Variants in UBE2Q2 observed in about 807,000 individuals in gnomAD.
UBE2Q2 encodes the protein ubiquitin conjugating enzyme E2 Q2.
Under a neutral mutation model 59.9 loss-of-function variants are expected in UBE2Q2, and 54 were observed. The observed-to-expected ratio is 0.90, with a 90% CI of 0.72 to 1.13. UBE2Q2 has a LOEUF of 1.13. Ranked by LOEUF, UBE2Q2 falls within the 50% of genes most tolerant of loss-of-function variation. UBE2Q2 has a pLI of 0.00. For synonymous variants in UBE2Q2, 165 were observed against 155.2 expected (o/e 1.06, Z -0.47); for missense variants, 433 against 441.9 (o/e 0.98, Z 0.18).
chr15:75,883,262 A>T (rs962556852), intron 8 of UBE2Q2, 104 bp from the exon 9 acceptor site: 2 of 1,064,354 alleles, frequency 1.9e-6, no homozygotes, highest in Non-Finnish European at 2.7e-6. Context: ...CCATTATCTG[A>T]TAATAAATGT....
intron 4 of UBE2Q2, among the ~76,000 whole-genome samples, chr15:75,871,397 C>T (rs1474007481): frequency 6.6e-6 from 1 of 152,212 alleles, no homozygotes; most frequent in African/African-American, 2.4e-5. Flanking sequence ...TCAGCACAGA[C>T]CCTTTACGGG....
chr15:75,878,600 TAAAAAA>T (rs142315305), intron 7 of UBE2Q2, among the ~76,000 whole-genome samples: 6 of 86,056 alleles, frequency 7.0e-5, no homozygotes, highest in Admixed American at 1.5e-4. Context: ...CCCGGTCTCT[TAAAAAA>T]AAAAAAAAAA....
intron 2 of UBE2Q2, among the ~76,000 whole-genome samples, chr15:75,859,484 G>A (rs928818660): frequency 6.6e-6 from 1 of 152,124 alleles, no homozygotes; most frequent in African/African-American, 2.4e-5. Context: ...CACTGCCTGT[G>A]TGTGTCTGGG....
chr15:75,868,287 A>G (rs1366400318), intron 3 of UBE2Q2, among the ~76,000 whole-genome samples: 3 of 152,230 alleles, frequency 2.0e-5, no homozygotes, highest in Admixed American at 1.3e-4. Flanking sequence ...AACTTTGTCA[A>G]AAATGGATAT....
At chr15:75,868,871 T>G in intron 3 of UBE2Q2, 80 bp from the exon 4 acceptor site, 1 of 1,235,132 alleles carries the variant, frequency 8.1e-7, no homozygotes, top group Admixed American at 1.9e-5. Context: ...GTTTGAGAGT[T>G]TGTGGCACCA....
In UBE2Q2 at chr15:75,899,557, A is replaced by T; in HGVS notation, c.*99A>T. On this transcript the variant is annotated 3_prime_UTR_variant, in exon 13 of 13. Transcript: ENST00000267938. ...GAGTGCCCCTATTACAGCAGTACCG[A>T]AGATGTTAGTTAATAGATATTTTAG... The T allele has an allele frequency of 1.0e-6, 1 of 955,500 alleles. No individual in the cohort carries two copies. Among genetic ancestry groups the T allele is most frequent in the South Asian group, 1.5e-5 (1 of 68,300 alleles). The allele number at this position is 955,500 out of a possible 1,614,324, so 59.2% of individuals were successfully genotyped here.
intron 1 of UBE2Q2, among the ~76,000 whole-genome samples, chr15:75,853,697 A>G (rs192427599): frequency 2.0e-5 from 3 of 152,108 alleles, no homozygotes; most frequent in African/African-American, 4.8e-5. Context: ...ATTTTGTGCA[A>G]TTTACCTTGG....
intron 6 of UBE2Q2, among the ~76,000 whole-genome samples, chr15:75,877,215 A>T (rs990167719): frequency 6.0e-5 from 9 of 150,498 alleles, no homozygotes; most frequent in Non-Finnish European, 1.3e-4. Context: ...TAGCATTATG[A>T]CCGATTCAGG....
At chr15:75,899,261 TGAAAC>T (rs1338308124) in intron 12 of UBE2Q2, among the ~76,000 whole-genome samples, 161 bp from the exon 13 acceptor site, 9 of 150,114 alleles carry the variant, frequency 6.0e-5, no homozygotes. Flanking sequence ...GGTAACAGAG[TGAAAC>T]TCTGTCTCAA....
intron 1 of UBE2Q2, among the ~76,000 whole-genome samples, chr15:75,847,066 CT>C (rs1383570089): frequency 4.6e-5 from 7 of 152,052 alleles, no homozygotes; most frequent in Non-Finnish European, 1.5e-5. Context: ...ACTATTTTTG[CT>C]TTGGTCATGT....
intron 4 of UBE2Q2, among the ~76,000 whole-genome samples, chr15:75,872,127 G>C (rs1897826997): frequency 6.6e-6 from 1 of 152,096 alleles, no homozygotes; most frequent in Non-Finnish European, 1.5e-5. Flanking sequence ...AGGGCTTGAA[G>C]AGATGGCATT....
intron 3 of UBE2Q2, among the ~76,000 whole-genome samples, chr15:75,864,035 T>G (rs1251548270): frequency 6.6e-6 from 1 of 152,182 alleles, no homozygotes; most frequent in African/African-American, 2.4e-5. Flanking sequence ...TTTTCATGAT[T>G]GTGCCCACGA....
At chr15:75,857,923 G>A (rs1038421930) in intron 2 of UBE2Q2, among the ~76,000 whole-genome samples, 1 of 152,078 alleles carries the variant, frequency 6.6e-6, no homozygotes, top group Non-Finnish European at 1.5e-5. Flanking sequence ...TTCCTGGTGG[G>A]TACAGGAAAC....
At chr15:75,859,705 C>A (rs1350952649) in intron 2 of UBE2Q2, among the ~76,000 whole-genome samples, 173 bp from the exon 3 acceptor site, 2 of 152,174 alleles carry the variant, frequency 1.3e-5, no homozygotes, top group Admixed American at 1.3e-4. Context: ...AACTTTCTTA[C>A]ACTAGAGGGT....
chr15:75,850,251 C>T (rs960141816), intron 1 of UBE2Q2, among the ~76,000 whole-genome samples: 9 of 152,188 alleles, frequency 5.9e-5, no homozygotes, highest in Non-Finnish European at 1.3e-4. Flanking sequence ...TATGATTCTA[C>T]CACTCAGAAT....
chr15:75,872,646 C>T (rs1897860098), intron 4 of UBE2Q2, among the ~76,000 whole-genome samples: 1 of 148,994 alleles, frequency 6.7e-6, no homozygotes, highest in Non-Finnish European at 1.5e-5. Context: ...ACATGATCTT[C>T]CTATCTCAGC....
Position 75,863,594 on chromosome 15 carries a change from T to A in UBE2Q2, c.387+3612T>A, listed in dbSNP as rs187063682. On this transcript the variant is annotated intron_variant, in intron 3 of 12. Coordinates refer to ENST00000267938, the MANE Select transcript of UBE2Q2 (RefSeq NM_173469.4). ...CCAAGTAGCTGGGATTACAGGCACA[T>A]GTCACTACGGCCAGCTGATATTTTA... Among the ~76,000 whole-genome samples the A allele has an allele frequency of 2.5e-3, 373 of 151,040 alleles. 3 individuals are homozygous for A. Among genetic ancestry groups the A allele is most frequent in the African/African-American group, 8.7e-3 (357 of 41,146 alleles).
rs1052215791 is a variant in UBE2Q2, at chr15:75,900,261, G to A, written c.*803G>A. On this transcript the variant is annotated 3_prime_UTR_variant, in exon 13 of 13. Coordinates refer to ENST00000267938, the MANE Select transcript of UBE2Q2 (RefSeq NM_173469.4). The stretch of plus-strand genomic sequence containing the variant: ...ATTTTATTAACGGGATGTTGCAATC[G>A]TTTGTAAACTAATAAACTTATAAAG... 6.6e-5 allele frequency: 10 copies of A among 152,188 alleles called. No individual in the cohort carries two copies. The highest frequency in any genetic ancestry group is 2.2e-4 in the African/African-American group (9 of 41,432). 9.4% of individuals were successfully genotyped at this position (152,188 alleles called of 1,614,324 possible).
chr15:75,865,248 G>A (rs1013310049), intron 3 of UBE2Q2, among the ~76,000 whole-genome samples: 2 of 152,236 alleles, frequency 1.3e-5, no homozygotes, highest in Non-Finnish European at 2.9e-5. Context: ...GAACAATACA[G>A]TGTAGTGTTG....
Sources: allele counts gnomAD v4.1 joint callset (sites outside exome capture counted in the v4.1 genomes callset), GRCh38; gene constraint gnomAD v4.1.1; transcripts MANE v1.5; gene names NCBI Gene and HGNC (gene_info 2026-07-23, HGNC 2026-07-21).